The following ZNF263 variants were observed in gnomAD, a reference collection of about 807,000 sequenced individuals.
ZNF263 encodes the protein zinc finger protein 263, also known as zinc finger protein FPM315.
In ZNF263, 49 loss-of-function variants were observed where a neutral mutation model predicts 63.1. The observed-to-expected ratio is 0.78, with a 90% confidence interval of 0.62 to 0.99. The LOEUF is 0.99. ZNF263 is among the 50% of genes least tolerant of loss of function. ZNF263 has a pLI of 0.00. For missense variants in ZNF263, 872 were observed against 854.8 expected, an observed-to-expected ratio of 1.02 and a Z score of -0.25; for synonymous variants, 352 against 324.2, an observed-to-expected ratio of 1.09 and a Z score of -0.92.
Position 3,288,496 on chromosome 16 carries a change from G to T in ZNF263, c.812G>T (p.Gly271Val). Residue 271 changes from glycine to valine, a missense_variant, in exon 5 of 6, where the codon GGA becomes GTA. By Grantham distance (109) the Gly-to-Val change is moderately radical. Transcript: ENST00000219069. ...PSQEVPGTQV[G>V]QGGKLWDPSV... ...CAGGAGGTCCCAGGCACCCAGGTGG[G>T]ACAAGGAGGAAAGCTATGGGATCCC... The T allele has an allele frequency of 6.2e-7, 1 of 1,613,006 alleles. No homozygotes were observed. Among genetic ancestry groups the T allele is most frequent in the South Asian group, 1.1e-5 (1 of 91,050 alleles).
Position 3,283,496 on chromosome 16 carries a change from GC to G in ZNF263, c.-322del, listed in dbSNP as rs1286585567. 1 of 239,604 alleles carries G rather than the reference GC, an allele frequency of 4.2e-6. No homozygotes were observed. The highest frequency in any genetic ancestry group is 5.7e-5 in the Admixed American group (1 of 17,698). 14.8% of individuals were successfully genotyped at this position (239,604 alleles called of 1,614,324 possible). A position where few individuals can be genotyped will look rare whatever the true frequency, so the allele number is the denominator to read the frequency against. The stretch of plus-strand genomic sequence containing the variant: ...CCGTGGGCTTGTGGACGCCTAACTT[GC>G]GCGCTGAGATTTCCGGCGTGGGAGC... On this transcript the variant is annotated 5_prime_UTR_variant, in exon 1 of 6. Coordinates refer to ENST00000219069, the MANE Select transcript of ZNF263 (RefSeq NM_005741.5).
chr16:3,296,619 G>A (rs572944807), intron 1 of ZNF263, among the ~76,000 whole-genome samples: 183 of 152,320 alleles, frequency 1.2e-3, no homozygotes, highest in African/African-American at 4.2e-3. Context: ...AGCCTAAACT[G>A]AATGTAAAAA....
At chr16:3,289,271 G>A (rs1017833562) in intron 5 of ZNF263, 122 bp from the exon 6 acceptor site, 3 of 1,037,024 alleles carry the variant, frequency 2.9e-6, no homozygotes, top group Non-Finnish European at 4.1e-6. Flanking sequence ...GGAGAGGATG[G>A]GATTCTGAGG....
intron 2 of ZNF263, chr16:3,300,455 C>T: frequency 6.2e-7 from 1 of 1,614,118 alleles, no homozygotes; most frequent in Non-Finnish European, 8.5e-7. Flanking sequence ...AGTACAAAGT[C>T]CAGAATTAAC....
Position 3,290,093 on chromosome 16 carries a change from G to C in ZNF263, c.1587G>C (p.Arg529=). 2 of 1,614,046 alleles carry C rather than the reference G, an allele frequency of 1.2e-6. No homozygotes were observed. The highest frequency in any genetic ancestry group is 2.2e-5 in the South Asian group (2 of 91,072). ...CCGAGTGTGGGAAAAGTTTCTCTCG[G>C]AGTTCACACCTCGTCATTCACGAAA... ...KCPECGKSFS[R]SSHLVIHERT... The change falls in exon 6 of 6, where the codon CGG becomes CGC. Residue 529 remains arginine, a synonymous_variant. Transcript: ENST00000219069.
rs373442363 is a variant in ZNF263 at position 3,290,271 on chromosome 16, C to T, written c.1765C>T (p.His589Tyr). The T allele has an allele frequency of 5.0e-6, 8 of 1,614,120 alleles. No homozygotes were observed. The East Asian group carries it at 6.7e-5, about 13-fold the overall frequency. Residue 589 changes from histidine to tyrosine, a missense_variant, in exon 6 of 6, where the codon CAC becomes TAC. His to Tyr is a moderately conservative substitution (Grantham distance 83). Coordinates refer to ENST00000219069, the MANE Select transcript of ZNF263 (RefSeq NM_005741.5). ...TCGKSFRQGM[H>Y]LTRHQRTHTG... Reference sequence around the variant, plus strand: ...TGGGAAAAGCTTCCGGCAGGGCATGCACCTCACCAGACATCAGAGAACACA... The same window carrying T: ...TGGGAAAAGCTTCCGGCAGGGCATGTACCTCACCAGACATCAGAGAACACA...
intron 1 of ZNF263, among the ~76,000 whole-genome samples, chr16:3,298,503 T>C (rs1375929037): frequency 6.6e-6 from 1 of 152,260 alleles, no homozygotes; most frequent in African/African-American, 2.4e-5. Flanking sequence ...GAGTGCTTTT[T>C]ATCTTTTTTT....
At chr16:3,288,342 A>C in intron 4 of ZNF263, 112 bp from the exon 5 acceptor site, 1 of 787,624 alleles carries the variant, frequency 1.3e-6, no homozygotes, top group Non-Finnish European at 2.2e-6. Flanking sequence ...AACTGCTGTC[A>C]GATTTATGGA....
intron 2 of ZNF263, chr16:3,300,273 A>G (rs1367587826): frequency 6.2e-7 from 1 of 1,614,236 alleles, no homozygotes. Context: ...CTGTTCGCCC[A>G]AAACACCGTG....
At chr16:3,297,539 A>ACTGCAAGCTCCGCCTCC (rs1289826876) in intron 1 of ZNF263, among the ~76,000 whole-genome samples, 4 of 128,034 alleles carry the variant, frequency 3.1e-5, no homozygotes, top group Non-Finnish European at 6.2e-5. Flanking sequence ...ATCTCGGCTC[A>ACTGCAAGCTCCGCCTCC]CTGCAAGCTC....
chr16:3,301,399 G>A (rs890557312), exon 3 of ZNF263: 1 of 167,094 alleles, frequency 6.0e-6, no homozygotes, highest in African/African-American at 2.4e-5. Flanking sequence ...GTCAAGCACC[G>A]TGCTTTAACT....
chr16:3,291,800 T>C (rs1168444699), downstream of ZNF263, among the ~76,000 whole-genome samples: 2 of 152,240 alleles, frequency 1.3e-5, no homozygotes. Flanking sequence ...CTGAGGAAGA[T>C]CTGACTCTTA....
intron 2 of ZNF263, chr16:3,299,363 C>T (rs762577510): frequency 1.3e-6 from 2 of 1,586,956 alleles, no homozygotes; most frequent in Non-Finnish European, 1.7e-6. Context: ...CTATAATCCC[C>T]ATGTTCTAAG....
intron 2 of ZNF263, chr16:3,299,914 A>C: frequency 6.2e-7 from 1 of 1,611,556 alleles, no homozygotes; most frequent in Non-Finnish European, 8.5e-7. Flanking sequence ...ACTTTTGGGC[A>C]GTTTTGATTT....
chr16:3,284,970 C>G, intron 1 of ZNF263, 89 bp from the exon 2 acceptor site: 3 of 1,503,792 alleles, frequency 2.0e-6, no homozygotes, highest in Non-Finnish European at 2.7e-6. Context: ...CTGAGGTTCT[C>G]TGTTGAAGGT....
chr16:3,300,621 T>A, intron 2 of ZNF263: 1 of 1,543,158 alleles, frequency 6.5e-7, no homozygotes, highest in Non-Finnish European at 8.7e-7. Context: ...TCATACTGAA[T>A]TTAACTCTGA....
At chr16:3,300,373 T>C (rs761242472) in intron 2 of ZNF263, 1 of 1,614,116 alleles carries the variant, frequency 6.2e-7, no homozygotes, top group South Asian at 1.1e-5. Context: ...GACCGCATCA[T>C]CTACATCACC....
downstream of ZNF263, among the ~76,000 whole-genome samples, chr16:3,292,210 A>C (rs1320943924): frequency 6.6e-6 from 1 of 152,218 alleles, no homozygotes; most frequent in African/African-American, 2.4e-5. Context: ...GGTGAAAAAG[A>C]TGAAGAAACA....
At chr16:3,299,392 G>C (rs1192004118) in intron 2 of ZNF263, 3 of 1,550,488 alleles carry the variant, frequency 1.9e-6, no homozygotes, top group Non-Finnish European at 2.6e-6. Context: ...ATCATATTCA[G>C]GTTCCTTTTT....
Sources: allele counts gnomAD v4.1 joint callset (sites outside exome capture counted in the v4.1 genomes callset), GRCh38; gene constraint gnomAD v4.1.1; transcripts MANE v1.5; gene names NCBI Gene and HGNC (gene_info 2026-07-23, HGNC 2026-07-21).